Variants in ITSN2 observed in about 807,000 individuals in gnomAD.
ITSN2 encodes intersectin-2.
In ITSN2, 156 loss-of-function variants were observed where a neutral mutation model predicts 243.7. That is an observed-to-expected ratio of 0.64 (90% CI 0.56 to 0.73). The LOEUF (loss-of-function observed/expected upper bound fraction) is 0.73. Ranked by LOEUF, ITSN2 falls within the 30% of genes least tolerant of loss-of-function variation. The pLI is 0.00. For synonymous variants in ITSN2, 703 were observed against 699.9 expected, an observed-to-expected ratio of 1.00 and a Z score of -0.07; for missense variants, 1,801 against 1,996.1, an observed-to-expected ratio of 0.90 and a Z score of 1.86.
At chr2:24,224,468 T>C (rs1397539213) in intron 29 of ITSN2, among the ~76,000 whole-genome samples, 2 of 152,198 alleles carry the variant, frequency 1.3e-5, no homozygotes, top group Non-Finnish European at 2.9e-5. Context: ...ACCACAAGTA[T>C]TGGCCACTGT....
intron 19 of ITSN2, among the ~76,000 whole-genome samples, chr2:24,271,471 G>A (rs1322090577): frequency 1.3e-5 from 2 of 152,100 alleles, no homozygotes; most frequent in African/African-American, 2.4e-5. Context: ...TATAGTGGTT[G>A]AATAAAATAT....
intron 17 of ITSN2, among the ~76,000 whole-genome samples, chr2:24,281,738 A>G (rs1678807681): frequency 6.6e-6 from 1 of 152,136 alleles, no homozygotes; most frequent in Admixed American, 6.5e-5. Context: ...TTTCATGCCT[A>G]TTTCTCTCCT....
chr2:24,252,478 T>G lies in ITSN2; in HGVS notation c.2987A>C (p.Glu996Ala). 6.2e-7 allele frequency: 1 copy of G among 1,612,666 alleles called. No individual in the cohort carries two copies. The highest frequency in any genetic ancestry group is 1.7e-5 in the Admixed American group (1 of 60,008). The change falls in exon 25 of 40, where the codon GAA becomes GCA. Residue 996 changes from glutamate to alanine, a missense_variant. Glu to Ala is a moderately radical substitution (Grantham distance 107). Around this residue, in one of 5 missense-constraint regions of ITSN2, gnomAD observed 928 missense variants for 1,065.4 expected, o/e 0.87. Coordinates refer to ENST00000355123, the MANE Select transcript of ITSN2 (RefSeq NM_006277.3). Reference protein sequence around the residue: ...YIALYPYSSVEPGDLTFTEGE... With the variant: ...YIALYPYSSVAPGDLTFTEGE... The stretch of plus-strand genomic sequence containing the variant: ...TTCTGTGAAAGTCAAATCTCCAGGT[T>G]CCACACTTGAATATGGATAAAGTGC...
At position 24,210,793 on chromosome 2, in the gene ITSN2, TCACACTGCAC is replaced by T. The variant is rs1357098722; in HGVS notation, c.4234_4243del (p.Val1412LysfsTer81). 7 of 1,613,818 alleles carry T rather than the reference TCACACTGCAC, an allele frequency of 4.3e-6. No homozygotes were observed. The Admixed American group carries it at 8.3e-5, about 19-fold the overall frequency. ...CACAGGCCTGACCTCCGCGAGGCCT[TCACACTGCAC>T]GTGCGCCTGGATCCACTCCAGTCGG... is the stretch of plus-strand genomic sequence containing the variant. On this transcript the variant is annotated frameshift_variant, in exon 34 of 40. Coordinates refer to ENST00000355123, the MANE Select transcript of ITSN2 (RefSeq NM_006277.3). LOFTEE classifies it high-confidence loss of function.
intron 1 of ITSN2, among the ~76,000 whole-genome samples, chr2:24,356,345 C>CAAAAAAAAAAAAAAAAAAAAAAAAA (rs70944743): frequency 9.1e-6 from 1 of 109,394 alleles, no homozygotes; most frequent in African/African-American, 3.6e-5. Context: ...GACCCTGTCT[C>CAAAAAAAAAAAAAAAAAAAAAAAAA]AAAAAAAAAA....
intron 1 of ITSN2, among the ~76,000 whole-genome samples, chr2:24,355,900 A>G (rs1688402382): frequency 6.6e-6 from 1 of 151,888 alleles, no homozygotes; most frequent in Non-Finnish European, 1.5e-5. Flanking sequence ...CCCTGTCTCT[A>G]TTTTTAAAAA....
At chr2:24,298,580 G>A in intron 13 of ITSN2, 85 bp downstream of exon 13, 1 of 1,296,828 alleles carries the variant, frequency 7.7e-7, no homozygotes, top group Non-Finnish European at 1.1e-6. Flanking sequence ...ACAGGTGTGA[G>A]CCACCACGCC....
chr2:24,297,179 GTGA>G (rs763264559), intron 13 of ITSN2, among the ~76,000 whole-genome samples: 3 of 152,148 alleles, frequency 2.0e-5, no homozygotes, highest in South Asian at 4.1e-4. Context: ...TAAAGATATT[GTGA>G]TGATTAAAAA....
intron 6 of ITSN2, 43 bp from the exon 7 acceptor site, chr2:24,310,423 C>G: frequency 6.2e-7 from 1 of 1,603,206 alleles, no homozygotes; most frequent in Admixed American, 1.7e-5. Flanking sequence ...AAATTTGTAT[C>G]TGTTCAAACA....
intron 17 of ITSN2, among the ~76,000 whole-genome samples, chr2:24,276,950 G>A (rs1007316187): frequency 6.6e-6 from 1 of 152,168 alleles, no homozygotes; most frequent in African/African-American, 2.4e-5. Context: ...TCAGAAAAAA[G>A]AGAAGTACAG....
intron 25 of ITSN2, among the ~76,000 whole-genome samples, chr2:24,250,297 T>G (rs1368995538): frequency 2.6e-5 from 4 of 152,208 alleles, no homozygotes; most frequent in African/African-American, 9.6e-5. Flanking sequence ...TTAGCGAACA[T>G]TTTCTTAAAA....
chr2:24,237,697 A>G (rs9636438), intron 29 of ITSN2, among the ~76,000 whole-genome samples: 29,583 of 151,936 alleles, frequency 0.19, 3,297 homozygotes, highest in Non-Finnish European at 0.26. Flanking sequence ...CGACACTCAT[A>G]TTCCATCTAT....
chr2:24,215,906 A>G, intron 32 of ITSN2, 143 bp downstream of exon 32: 1 of 548,776 alleles, frequency 1.8e-6, no homozygotes, highest in African/African-American at 2.0e-5. Context: ...AAACAATCGG[A>G]AAATTCTCTG....
chr2:24,271,724 T>C, intron 19 of ITSN2, 42 bp downstream of exon 19: 1 of 1,464,536 alleles, frequency 6.8e-7, no homozygotes, highest in East Asian at 2.4e-5. Context: ...ATTTTTTTCT[T>C]GTTGCATTTG....
chr2:24,276,114 T>C (rs1330563803), intron 17 of ITSN2, among the ~76,000 whole-genome samples: 2 of 152,220 alleles, frequency 1.3e-5, no homozygotes, highest in African/African-American at 4.8e-5. Flanking sequence ...AAGCCGATGC[T>C]TTGATTTGGT....
chr2:24,286,407 A>T, intron 15 of ITSN2, 56 bp from the exon 16 acceptor site: 1 of 1,487,632 alleles, frequency 6.7e-7, no homozygotes, highest in African/African-American at 1.4e-5. Flanking sequence ...TGTCATTACC[A>T]GCATGTCATT....
intron 21 of ITSN2, 26 bp from the exon 22 acceptor site, chr2:24,261,276 G>C (rs748354856): frequency 6.4e-7 from 1 of 1,557,242 alleles, no homozygotes; most frequent in Non-Finnish European, 8.8e-7. Context: ...TTTGATATAA[G>C]TATATTTATT....
At chr2:24,252,263 G>T in intron 25 of ITSN2, 82 bp downstream of exon 25, 1 of 996,626 alleles carries the variant, frequency 1.0e-6, no homozygotes, top group Non-Finnish European at 1.5e-6. Flanking sequence ...TAACAAGAAT[G>T]GGTTGATTTT....
chr2:24,220,496 C>A, intron 30 of ITSN2: 1 of 998,726 alleles, frequency 1.0e-6, no homozygotes, highest in Non-Finnish European at 1.2e-6. Context: ...CTGATACAAC[C>A]ATGAGGTGAA....
Sources: allele counts gnomAD v4.1 joint callset (sites outside exome capture counted in the v4.1 genomes callset), GRCh38; gene constraint gnomAD v4.1.1; regional missense constraint gnomAD v4.1.1; transcripts MANE v1.5; gene names NCBI Gene and HGNC (gene_info 2026-07-23, HGNC 2026-07-21).